SYNE1: variants seen among roughly 807,000 people sequenced by gnomAD.
The protein encoded by SYNE1 is spectrin repeat containing nuclear envelope protein 1.
In SYNE1, 616 loss-of-function variants were observed where a neutral mutation model predicts 1,111.0. That is an observed-to-expected ratio of 0.55 (90% CI 0.52 to 0.59). SYNE1 has a LOEUF of 0.59. Ranked by LOEUF, SYNE1 falls within the 20% of genes least tolerant of loss-of-function variation. The pLI is 0.00. For missense variants in SYNE1, 10,006 were observed against 10,417.0 expected (o/e 0.96, Z 1.72); for synonymous variants, 3,855 against 3,825.8 (o/e 1.01, Z -0.28).
At chr6:152,173,826 G>A (rs142277663) in intron 130 of SYNE1, among the ~76,000 whole-genome samples, 1 of 152,322 alleles carries the variant, frequency 6.6e-6, no homozygotes, top group African/African-American at 2.4e-5. Flanking sequence ...TATTGTATAA[G>A]TGACTATAGT....
chr6:152,350,080 C>G, intron 72 of SYNE1, 88 bp downstream of exon 72: 1 of 1,480,920 alleles, frequency 6.8e-7, no homozygotes, highest in Non-Finnish European at 9.4e-7. Context: ...GTGTGTGCAC[C>G]CCCACACATG....
chr6:152,346,530 A>G (rs1287648232), intron 73 of SYNE1, among the ~76,000 whole-genome samples: 2 of 152,082 alleles, frequency 1.3e-5, no homozygotes, highest in African/African-American at 4.8e-5. Flanking sequence ...GGATAAAACA[A>G]TATCTGAAAT....
intron 3 of SYNE1, among the ~76,000 whole-genome samples, chr6:152,548,350 G>A (rs1447444147): frequency 6.6e-6 from 1 of 152,182 alleles, no homozygotes; most frequent in East Asian, 1.9e-4. Flanking sequence ...CAAGGAACAT[G>A]CCTTGCCCCT....
chr6:152,318,192 C>T lies in SYNE1; in HGVS notation c.16461G>A (p.Leu5487=). 6.2e-7 allele frequency: 1 copy of T among 1,614,072 alleles called. No individual in the cohort carries two copies. Among genetic ancestry groups the T allele is most frequent in the Non-Finnish European group, 8.5e-7 (1 of 1,180,022 alleles). ...MELDAAVQKF[L]EQNGQLGKPL... is the part of the protein sequence containing the mutation. ...GCTTACCCAGTTGGCCATTCTGTTC[C>T]AAGAATTTCTGTACTGCTGCATCTA... The change falls in exon 86 of 146, where the codon TTG becomes TTA. Residue 5487 remains leucine (L), a synonymous_variant. Transcript: ENST00000367255.
At chr6:152,356,495 A>G (rs2096840915) in intron 66 of SYNE1, among the ~76,000 whole-genome samples, 1 of 147,962 alleles carries the variant, frequency 6.8e-6, no homozygotes, top group African/African-American at 2.4e-5. Context: ...AGTAACATAA[A>G]TGTGTGTATA....
intron 137 of SYNE1, chr6:152,145,744 G>T: frequency 8.1e-6 from 5 of 617,216 alleles, no homozygotes; most frequent in South Asian, 5.1e-5. Context: ...TTCACAGTGG[G>T]TGGGGCATGG....
intron 3 of SYNE1, among the ~76,000 whole-genome samples, chr6:152,567,693 GA>G (rs928562970): frequency 5.3e-5 from 8 of 151,794 alleles, no homozygotes; most frequent in African/African-American, 1.2e-4. Flanking sequence ...CAAAATCCAA[GA>G]AAAAAAAGTA....
intron 116 of SYNE1, 22 bp from the exon 117 acceptor site, chr6:152,224,686 G>A (rs368710688): frequency 6.2e-7 from 1 of 1,608,426 alleles, no homozygotes; most frequent in Non-Finnish European, 8.5e-7. Context: ...GACAAATATG[G>A]CTTATAATTT....
At chr6:152,567,291 T>C (rs1286109510) in intron 3 of SYNE1, among the ~76,000 whole-genome samples, 1 of 152,178 alleles carries the variant, frequency 6.6e-6, no homozygotes, top group East Asian at 1.9e-4. Flanking sequence ...CATTCATTTG[T>C]AGATGGATGA....
chr6:152,378,136 T>A (rs1008979130), intron 56 of SYNE1, among the ~76,000 whole-genome samples: 16 of 152,158 alleles, frequency 1.1e-4, no homozygotes, highest in East Asian at 3.8e-4. Flanking sequence ...ACACTAAGTG[T>A]CTAATTCATA....
chr6:152,635,933 G>C (rs2099705131), intron 2 of SYNE1, among the ~76,000 whole-genome samples: 1 of 152,168 alleles, frequency 6.6e-6, no homozygotes, highest in Admixed American at 6.5e-5. Flanking sequence ...GCCTTCCCAA[G>C]GGGCTTCTTC....
At position 152,425,499 on chromosome 6, in the gene SYNE1, A is replaced by G; in HGVS notation, c.5149T>C (p.Leu1717=). The G allele has an allele frequency of 6.2e-7, 1 of 1,614,172 alleles. No homozygotes were observed. Among genetic ancestry groups the G allele is most frequent in the South Asian group, 1.1e-5 (1 of 91,086 alleles). The part of the protein sequence containing the change: ...VSQASFYSKL[L]QLKESLFSVA... ...GAGAACAATGATTCCTTCAATTGCA[A>G]AAGTTTGCTATAGAATGAGGCCTGG... The change falls in exon 39 of 146, where the codon TTG becomes CTG. Residue 1717 remains leucine, a synonymous_variant. Coordinates refer to ENST00000367255, the MANE Select transcript of SYNE1 (RefSeq NM_182961.4).
In SYNE1 at chr6:152,236,144, G is replaced by T; in HGVS notation, c.20359C>A (p.Leu6787Ile). The change falls in exon 110 of 146, where the codon CTT (leucine) becomes ATT (isoleucine). Residue 6787 changes from leucine (L) to isoleucine (I), a missense_variant. By Grantham distance (5) the Leu-to-Ile change is conservative. Coordinates refer to ENST00000367255, the MANE Select transcript of SYNE1 (RefSeq NM_182961.4). Reference protein sequence around the residue: ...LSNTNKMSKELHRLETILKHW... With the variant: ...LSNTNKMSKEIHRLETILKHW... ...TTCAATATTGTTTCCAGTCTGTGAA[G>T]TTCCTTAGACATTTTATTGGTGTTA... 1 of 1,614,158 alleles carries T rather than the reference G, an allele frequency of 6.2e-7. No individual in the cohort carries two copies. Among genetic ancestry groups the T allele is most frequent in the African/African-American group, 1.3e-5 (1 of 75,038 alleles).
At chr6:152,406,884 T>C in intron 45 of SYNE1, 130 bp downstream of exon 45, 12 of 550,490 alleles carry the variant, frequency 2.2e-5, no homozygotes, top group Non-Finnish European at 3.0e-5. Flanking sequence ...ATAATAATAA[T>C]ATAATAATAA....
At chr6:152,132,280 C>T in intron 143 of SYNE1, 66 bp from the exon 144 acceptor site, 2 of 1,302,784 alleles carry the variant, frequency 1.5e-6, no homozygotes, top group South Asian at 1.2e-5. Context: ...TCTGTTGCAC[C>T]ACGTTATCTC....
intron 100 of SYNE1, among the ~76,000 whole-genome samples, chr6:152,266,617 T>C (rs6921228): frequency 0.65 from 98,748 of 152,058 alleles, 32,470 homozygotes; most frequent in East Asian, 0.82. Context: ...CAGTCCCTGC[T>C]TATAGATGCC....
chr6:152,618,304 A>G (rs1744387), intron 3 of SYNE1, among the ~76,000 whole-genome samples: 108,861 of 152,102 alleles, frequency 0.72, 39,055 homozygotes, highest in East Asian at 0.81. Flanking sequence ...AATCAGTGTA[A>G]TTCTTGGCAA....
In SYNE1 at chr6:152,255,022, G is replaced by A; in HGVS notation, c.19328C>T (p.Ala6443Val). The A allele has an allele frequency of 6.2e-7, 1 of 1,613,154 alleles. No homozygotes were observed. Among genetic ancestry groups the A allele is most frequent in the Non-Finnish European group, 8.5e-7 (1 of 1,179,486 alleles). ...TCGATTATCACCATTCTCTGGAAAA[G>A]CTTGGGAAAACAAGTTTTTGTTCTT... Reference protein sequence around the residue: ...MDKNKNLFSQAFPENGDNRDV... With the variant: ...MDKNKNLFSQVFPENGDNRDV... Residue 6443 changes from alanine (A) to valine (V), a missense_variant, in exon 104 of 146, where the codon GCT becomes GTT. Physicochemically the swap from Ala to Val is moderately conservative, Grantham distance 64. Coordinates refer to ENST00000367255, the MANE Select transcript of SYNE1 (RefSeq NM_182961.4).
intron 50 of SYNE1, among the ~76,000 whole-genome samples, chr6:152,396,382 T>C (rs900259138): frequency 2.0e-5 from 3 of 152,206 alleles, no homozygotes; most frequent in Admixed American, 6.5e-5. Flanking sequence ...ATATTACTTA[T>C]TGGAATCTAG....
Sources: gnomAD v4.1 joint callset for allele counts (sites outside exome capture counted in the v4.1 genomes callset) on GRCh38, gnomAD v4.1.1 for gene constraint, MANE v1.5 for transcripts, NCBI Gene and HGNC (gene_info 2026-07-23, HGNC 2026-07-21) for gene names.